CORO2A: variants seen among roughly 807,000 people sequenced by gnomAD.
The protein encoded by CORO2A is coronin 2A.
A neutral mutation model predicts 62.4 loss-of-function variants in CORO2A; 47 were observed. The observed-to-expected ratio is 0.75, with a 90% CI of 0.60 to 0.96. The LOEUF is 0.96. Ranked by LOEUF, CORO2A falls within the 40% of genes least tolerant of loss-of-function variation. The pLI is 0.00. For missense variants in CORO2A, 610 were observed against 684.1 expected (o/e 0.89, Z 1.21); for synonymous variants, 273 against 268.9 (o/e 1.02, Z -0.15).
At chr9:98,157,361 T>C (rs1334705828) in intron 2 of CORO2A, 99 bp downstream of exon 2, 10 of 1,085,536 alleles carry the variant, frequency 9.2e-6, no homozygotes, top group Non-Finnish European at 1.2e-5. Context: ...CAGCTAGTAA[T>C]GGGCAGGGCT....
chr9:98,131,069 A>AAGGGGAGGC lies in CORO2A; in HGVS notation c.766-19_766-11dup. On this transcript the variant is annotated splice_polypyrimidine_tract_variant and intron_variant, in intron 6 of 11. Coordinates refer to ENST00000375077, the MANE Select transcript of CORO2A (RefSeq NM_052820.4). ...GCACAGAGAGGTTATCCTGCAGGGG[A>AAGGGGAGGC]AGGGGAGGCAGGGAAGGCCTGGGTC... 1 of 1,598,856 alleles carries AAGGGGAGGC rather than the reference A, an allele frequency of 6.3e-7. No individual in the cohort carries two copies. Among genetic ancestry groups the AAGGGGAGGC allele is most frequent in the Non-Finnish European group, 8.5e-7 (1 of 1,170,490 alleles).
intron 1 of CORO2A, among the ~76,000 whole-genome samples, chr9:98,189,226 A>C (rs1828275933): frequency 6.6e-6 from 1 of 152,200 alleles, no homozygotes; most frequent in African/African-American, 2.4e-5. Flanking sequence ...GACCCCCAGG[A>C]GGCACAGTTT....
chr9:98,139,168 G>A (rs1827533553), intron 2 of CORO2A, among the ~76,000 whole-genome samples: 1 of 152,032 alleles, frequency 6.6e-6, no homozygotes, highest in African/African-American at 2.4e-5. Context: ...ATGAGTGAGG[G>A]GTGTCTTTTT....
chr9:98,169,855 C>A (rs901570369), intron 1 of CORO2A, among the ~76,000 whole-genome samples: 19 of 152,196 alleles, frequency 1.2e-4, no homozygotes, highest in African/African-American at 4.6e-4. Flanking sequence ...TCTTAGAATG[C>A]CCCTTCCTGT....
chr9:98,147,593 G>A (rs1827658672), intron 2 of CORO2A, among the ~76,000 whole-genome samples: 1 of 152,208 alleles, frequency 6.6e-6, no homozygotes, highest in African/African-American at 2.4e-5. Context: ...AGGGAAGTCA[G>A]ATTTAGCAAG....
intron 2 of CORO2A, among the ~76,000 whole-genome samples, chr9:98,142,947 G>A (rs888872777): frequency 1.3e-5 from 2 of 152,188 alleles, no homozygotes; most frequent in Admixed American, 6.5e-5. Context: ...AGGCAGGAGC[G>A]GACATTAGCC....
rs1241496233 is a variant in CORO2A, at chr9:98,128,694, G to C, written c.993C>G (p.Asp331Glu). ...GIGVMPKRGL[D>E]VSSCEIFRFY... is the part of the protein sequence containing the mutation. ...AGCGGAAGATCTCGCAGGAGGACAC[G>C]TCGAGTCCTCTCTTTGGCATGACAC... is the stretch of plus-strand genomic sequence containing the variant. The change falls in exon 9 of 12, where the codon GAC becomes GAG. Residue 331 changes from aspartate (D) to glutamate (E), a missense_variant. By Grantham distance (45) the Asp-to-Glu change is conservative. Transcript: ENST00000375077. The C allele has an allele frequency of 1.2e-6, 2 of 1,614,042 alleles. No individual in the cohort carries two copies. The highest frequency in any genetic ancestry group is 2.7e-5 in the African/African-American group (2 of 74,924).
rs190389395 is a variant in CORO2A at position 98,162,725 on chromosome 9, G to A, written c.1-5065C>T. Among the ~76,000 whole-genome samples, 39 of 152,360 alleles carry A rather than the reference G, an allele frequency of 2.6e-4. 1 individual carries two copies. The highest frequency in any genetic ancestry group is 1.9e-4 in the East Asian group (1 of 5,188). On this transcript the variant is annotated intron_variant, in intron 1 of 11. Coordinates refer to ENST00000375077, the MANE Select transcript of CORO2A (RefSeq NM_052820.4). ...TGTCGTTTTGTGGGTGTGCATGCACGTGTGCATCCCTTTGGATGTTTAACT... is the reference window on the plus strand; with the variant it reads ...TGTCGTTTTGTGGGTGTGCATGCACATGTGCATCCCTTTGGATGTTTAACT...
chr9:98,168,707 CTG>C (rs934359311), intron 1 of CORO2A, among the ~76,000 whole-genome samples: 1 of 152,240 alleles, frequency 6.6e-6, no homozygotes, highest in African/African-American at 2.4e-5. Flanking sequence ...GTACAAGACA[CTG>C]AGATGTGATT....
chr9:98,138,395 G>A (rs1318016497), intron 2 of CORO2A, among the ~76,000 whole-genome samples: 4 of 147,666 alleles, frequency 2.7e-5, no homozygotes, highest in Admixed American at 1.4e-4. Context: ...TGGGTGACAA[G>A]AGTGAAACTA....
intron 1 of CORO2A, among the ~76,000 whole-genome samples, chr9:98,169,396 G>A (rs1239137847): frequency 6.6e-6 from 1 of 151,942 alleles, no homozygotes; most frequent in African/African-American, 2.4e-5. Flanking sequence ...ACCTCCTCCT[G>A]CCCTGCCTCC....
chr9:98,126,929 G>GAGCCATGCAA, intron 10 of CORO2A, 106 bp from the exon 11 acceptor site: 1 of 1,252,614 alleles, frequency 8.0e-7, no homozygotes, highest in South Asian at 1.3e-5. Flanking sequence ...GAGCCATGCA[G>GAGCCATGCAA]ACCCATGCAA....
At chr9:98,162,795 G>A (rs1331381795) in intron 1 of CORO2A, among the ~76,000 whole-genome samples, 1 of 152,206 alleles carries the variant, frequency 6.6e-6, no homozygotes, top group African/African-American at 2.4e-5. Context: ...GTGTATCCGT[G>A]CATGCATGAC....
intron 2 of CORO2A, among the ~76,000 whole-genome samples, chr9:98,153,649 A>ACAC (rs1554744889): frequency 9.0e-5 from 12 of 133,968 alleles, no homozygotes; most frequent in Admixed American, 3.1e-4. Flanking sequence ...TCTGTTTCCA[A>ACAC]ACACACACAC....
chr9:98,167,103 C>CA (rs35581733), intron 1 of CORO2A, among the ~76,000 whole-genome samples: 1,680 of 98,728 alleles, frequency 0.017, 23 homozygotes, highest in South Asian at 0.033. Context: ...GATCCTGTCT[C>CA]AAAAAAAAAA....
In CORO2A at chr9:98,129,786, TC is replaced by T. The variant is rs1469891888; in HGVS notation, c.967+7del. The T allele has an allele frequency of 1.2e-6, 2 of 1,606,866 alleles. No individual in the cohort carries two copies. Among genetic ancestry groups the T allele is most frequent in the Non-Finnish European group, 1.7e-6 (2 of 1,173,840 alleles). On this transcript the variant is annotated splice_region_variant and intron_variant, in intron 8 of 11. Transcript: ENST00000375077. ...TTACAGGCATGAACTTCAGTGTCCC[TC>T]ACTTACCGATCCCCTTCTGTGGGTT...
intron 9 of CORO2A, 134 bp downstream of exon 9, chr9:98,128,473 C>T (rs778347853): frequency 4.8e-6 from 4 of 826,690 alleles, no homozygotes; most frequent in South Asian, 3.1e-5. Flanking sequence ...TGATGTCACA[C>T]TGGCTGTGAG....
At chr9:98,173,599 C>T (rs548980866) in intron 1 of CORO2A, among the ~76,000 whole-genome samples, 7 of 152,278 alleles carry the variant, frequency 4.6e-5, no homozygotes, top group South Asian at 2.1e-4. Context: ...CGGAACTGGG[C>T]GTCCCAATCC....
intron 1 of CORO2A, among the ~76,000 whole-genome samples, chr9:98,188,442 G>T (rs7038945): frequency 6.6e-6 from 1 of 151,932 alleles, no homozygotes; most frequent in African/African-American, 2.4e-5. Flanking sequence ...TAATATCAGC[G>T]CCTTCCCCCT....
Sources: allele counts gnomAD v4.1 joint callset (sites outside exome capture counted in the v4.1 genomes callset), GRCh38; gene constraint gnomAD v4.1.1; transcripts MANE v1.5; gene names NCBI Gene and HGNC (gene_info 2026-07-23, HGNC 2026-07-21).